Variants in RBFOX1 observed in about 807,000 individuals in gnomAD.
The protein encoded by RBFOX1 is RNA binding fox-1 homolog 1, also known as RNA binding protein fox-1 homolog 1.
Under a neutral mutation model 57.7 loss-of-function variants are expected in RBFOX1, and 8 were observed. The ratio of observed to expected loss-of-function variants is 0.14; its 90% CI spans 0.08 to 0.25. The LOEUF is 0.25. Ranked by LOEUF, RBFOX1 falls within the 10% of genes least tolerant of loss-of-function variation. The probability of loss-of-function intolerance (pLI) is 1.00; values close to 1 mark genes in which losing one functional copy is unlikely to be tolerated. For synonymous variants in RBFOX1, 326 were observed against 222.4 expected (o/e 1.47, Z -4.15); for missense variants, 611 against 548.5 (o/e 1.11, Z -1.14).
chr16:6,709,883 C>T (rs564859953), intron 3 of RBFOX1, among the ~76,000 whole-genome samples: 1 of 152,134 alleles, frequency 6.6e-6, no homozygotes, highest in East Asian at 1.9e-4. Context: ...AGGGAACGGC[C>T]GGGGGCTACT....
chr16:7,406,243 G>C (rs2098338025), intron 4 of RBFOX1, among the ~76,000 whole-genome samples: 1 of 152,172 alleles, frequency 6.6e-6, no homozygotes, highest in Non-Finnish European at 1.5e-5. Flanking sequence ...GATTAAAGAA[G>C]AGTTGCCATA....
intron 1 of RBFOX1, among the ~76,000 whole-genome samples, chr16:5,282,893 G>T (rs1040089279): frequency 6.6e-6 from 1 of 152,174 alleles, no homozygotes; most frequent in Admixed American, 6.5e-5. Flanking sequence ...GTGAATCCCC[G>T]TCAATGGGGA....
chr16:7,326,753 G>T (rs377592733), intron 4 of RBFOX1, among the ~76,000 whole-genome samples: 354 of 152,120 alleles, frequency 2.3e-3, no homozygotes, highest in Non-Finnish European at 3.5e-3. Context: ...AGATCCCCCA[G>T]ATCCAAACCC....
intron 2 of RBFOX1, among the ~76,000 whole-genome samples, chr16:5,516,577 A>G (rs986349961): frequency 4.6e-5 from 7 of 152,286 alleles, no homozygotes; most frequent in Non-Finnish European, 1.0e-4. Flanking sequence ...ATTCTTTTTT[A>G]ATTATAGTAG....
At chr16:5,381,628 T>A (rs891538023) in intron 1 of RBFOX1, among the ~76,000 whole-genome samples, 1 of 152,214 alleles carries the variant, frequency 6.6e-6, no homozygotes, top group Non-Finnish European at 1.5e-5. Context: ...AACTCCCCCA[T>A]AGGGTTGTTA....
intron 3 of RBFOX1, among the ~76,000 whole-genome samples, chr16:5,864,474 T>C (rs943896476): frequency 2.6e-5 from 4 of 152,180 alleles, no homozygotes; most frequent in Admixed American, 6.5e-5. Flanking sequence ...ATGTATCTCC[T>C]TTGATACATT....
chr16:6,079,673 A>G (rs2095969419), intron 1 of RBFOX1, among the ~76,000 whole-genome samples: 1 of 152,076 alleles, frequency 6.6e-6, no homozygotes, highest in African/African-American at 2.4e-5. Flanking sequence ...CGTTTCTACA[A>G]AAAAATAAAT....
chr16:7,064,831 A>T (rs1249857891), intron 4 of RBFOX1, among the ~76,000 whole-genome samples: 1 of 152,222 alleles, frequency 6.6e-6, no homozygotes, highest in East Asian at 1.9e-4. Context: ...CTCTGATTTA[A>T]TTACATATTC....
chr16:7,001,737 A>G (rs529181621), intron 3 of RBFOX1, among the ~76,000 whole-genome samples: 1 of 152,210 alleles, frequency 6.6e-6, no homozygotes, highest in African/African-American at 2.4e-5. Flanking sequence ...GATCACAGGG[A>G]TGCGTCAACA....
At chr16:6,040,592 C>T (rs550245343) in intron 1 of RBFOX1, among the ~76,000 whole-genome samples, 2 of 150,614 alleles carry the variant, frequency 1.3e-5, no homozygotes, top group South Asian at 2.1e-4. Flanking sequence ...CTCTTTCTTT[C>T]TTATTTATTT....
intron 4 of RBFOX1, among the ~76,000 whole-genome samples, chr16:7,222,724 C>T (rs2092820509): frequency 6.6e-6 from 1 of 152,190 alleles, no homozygotes; most frequent in African/African-American, 2.4e-5. Context: ...AAGCCAATGC[C>T]TGACACACAT....
chr16:5,253,316 A>AT (rs575570274), intron 1 of RBFOX1, among the ~76,000 whole-genome samples: 445 of 151,882 alleles, frequency 2.9e-3, no homozygotes, highest in African/African-American at 0.01. Context: ...CACCCAGCTA[A>AT]TTTTTTTGTA....
intron 1 of RBFOX1, among the ~76,000 whole-genome samples, chr16:5,348,050 C>A: frequency 6.7e-6 from 1 of 148,622 alleles, no homozygotes; most frequent in Non-Finnish European, 1.5e-5. Context: ...CATCCACCCA[C>A]CCTTCCACTC....
At chr16:7,466,977 G>A (rs996936316) in intron 4 of RBFOX1, among the ~76,000 whole-genome samples, 3 of 152,090 alleles carry the variant, frequency 2.0e-5, no homozygotes, top group Non-Finnish European at 4.4e-5. Flanking sequence ...TCTGCTCCAG[G>A]GCCCTGTGTT....
chr16:7,526,998 C>T (rs2078853143), intron 5 of RBFOX1, among the ~76,000 whole-genome samples: 1 of 152,312 alleles, frequency 6.6e-6, no homozygotes, highest in Non-Finnish European at 1.5e-5. Flanking sequence ...ACTCATTTCA[C>T]CCTGGGGAGG....
intron 4 of RBFOX1, among the ~76,000 whole-genome samples, chr16:7,468,485 A>T: frequency 6.7e-6 from 1 of 149,510 alleles, no homozygotes; most frequent in South Asian, 2.1e-4. Context: ...CCTGGTGACA[A>T]CTTGGAAATA....
intron 1 of RBFOX1, among the ~76,000 whole-genome samples, chr16:5,388,424 G>T (rs1249341977): frequency 1.3e-5 from 2 of 152,178 alleles, no homozygotes; most frequent in African/African-American, 4.8e-5. Context: ...CAAGGATGCT[G>T]TGTAGGTTCT....
intron 1 of RBFOX1, among the ~76,000 whole-genome samples, chr16:5,339,470 G>GGTTTTTTTTT (rs1567354925): frequency 9.8e-4 from 40 of 40,860 alleles, no homozygotes; most frequent in Admixed American, 1.4e-3. Context: ...CTTTTTCCGT[G>GGTTTTTTTTT]TTTTTTTTTT....
chr16:5,716,694 A>G (rs1451352678), intron 3 of RBFOX1, among the ~76,000 whole-genome samples: 1 of 152,246 alleles, frequency 6.6e-6, no homozygotes, highest in Admixed American at 6.5e-5. Context: ...TCTGTCTTTA[A>G]AAAGAGAGCT....
Sources: gnomAD v4.1 joint callset for allele counts (sites outside exome capture counted in the v4.1 genomes callset) on GRCh38, gnomAD v4.1.1 for gene constraint, MANE v1.5 for transcripts, NCBI Gene and HGNC (gene_info 2026-07-23, HGNC 2026-07-21) for gene names.